The following FANCL variants were observed in gnomAD, a reference collection of about 807,000 sequenced individuals.
FANCL encodes the protein FA complementation group L, also known as E3 ubiquitin-protein ligase FANCL.
FANCL carries 69 observed loss-of-function variants against 59.4 expected under a neutral mutation model. The observed-to-expected ratio is 1.16, with a 90% CI of 0.96 to 1.42. FANCL has a LOEUF of 1.42. Ranked by LOEUF, FANCL falls within the 40% of genes most tolerant of loss-of-function variation. The pLI is 0.00. For missense variants in FANCL, 519 were observed against 447.2 expected, an observed-to-expected ratio of 1.16 and a Z score of -1.45; for synonymous variants, 180 against 147.1, an observed-to-expected ratio of 1.22 and a Z score of -1.62.
chr2:58,166,047 T>C (rs1394299096), intron 7 of FANCL, among the ~76,000 whole-genome samples, 173 bp from the exon 8 acceptor site: 1 of 152,172 alleles, frequency 6.6e-6, no homozygotes, highest in Non-Finnish European at 1.5e-5. Context: ...CCTACAGCGT[T>C]TACAGGATTC....
chr2:58,218,459 C>T (rs570896110), intron 5 of FANCL, among the ~76,000 whole-genome samples: 4 of 151,920 alleles, frequency 2.6e-5, no homozygotes, highest in African/African-American at 9.7e-5. Context: ...AAGGCAGCAT[C>T]ACTATAGATC....
chr2:58,183,913 G>T (rs1480791381), intron 7 of FANCL, among the ~76,000 whole-genome samples: 1 of 151,936 alleles, frequency 6.6e-6, no homozygotes, highest in East Asian at 1.9e-4. Flanking sequence ...CAAGGTATTT[G>T]ATCTTAAGCA....
chr2:58,227,001 T>C (rs1042139000), intron 3 of FANCL, among the ~76,000 whole-genome samples: 1 of 152,202 alleles, frequency 6.6e-6, no homozygotes, highest in Non-Finnish European at 1.5e-5. Flanking sequence ...TTTGCTGAGA[T>C]ATATTAAACT....
intron 5 of FANCL, among the ~76,000 whole-genome samples, chr2:58,219,155 AAAAAAAAAAAAAAAAAATATATATAT>A (rs1317906070): frequency 8.4e-4 from 72 of 85,740 alleles, no homozygotes; most frequent in African/African-American, 4.3e-3. Flanking sequence ...AAAAAAAAAA[AAAAAAAAAAAAAAAAAATATATATAT>A]ATATATATAT....
chr2:58,215,798 C>G (rs931001405), intron 5 of FANCL, among the ~76,000 whole-genome samples: 3 of 151,616 alleles, frequency 2.0e-5, no homozygotes, highest in Non-Finnish European at 4.4e-5. Flanking sequence ...GAAAGGTAGG[C>G]CCAGAACCTG....
chr2:58,210,692 C>T (rs1380264752), intron 5 of FANCL, among the ~76,000 whole-genome samples: 4 of 152,136 alleles, frequency 2.6e-5, no homozygotes, highest in Non-Finnish European at 5.9e-5. Flanking sequence ...TTCCTAGATA[C>T]AACAGGGGTA....
Position 58,210,700 on chromosome 2 carries a change from G to A in FANCL, c.375-6474C>T, listed in dbSNP as rs368369905. ...TAGTTACTTCCTAGATACAACAGGG[G>A]TATAGGCATTCGATAAATACAGCCA... On this transcript the variant is annotated intron_variant, in intron 5 of 13. Coordinates refer to ENST00000233741, the MANE Select transcript of FANCL (RefSeq NM_018062.4). 3.1e-4 allele frequency among the ~76,000 whole-genome samples: 47 copies of A among 152,244 alleles called. No homozygotes were observed. In the South Asian group the frequency reaches 9.1e-3, roughly 30 times the overall value.
Position 58,163,094 on chromosome 2 carries a change from AAT to A in FANCL, c.776-22_776-21del. Reference sequence around the variant, plus strand: ...TTACCACTTCAGATTAAAAAAAAAAAATTTAATAATTGCATGCTCTACTCTTG... The same window carrying A: ...TTACCACTTCAGATTAAAAAAAAAAATTAATAATTGCATGCTCTACTCTTG... On this transcript the variant is annotated intron_variant, in intron 9 of 13. Coordinates refer to ENST00000233741, the MANE Select transcript of FANCL (RefSeq NM_018062.4). The A allele has an allele frequency of 6.3e-7, 1 of 1,597,614 alleles. No individual in the cohort carries two copies.
chr2:58,200,035 T>C (rs1488000164), intron 6 of FANCL, among the ~76,000 whole-genome samples: 1 of 151,518 alleles, frequency 6.6e-6, no homozygotes, highest in South Asian at 2.1e-4. Context: ...TCTGGCTATG[T>C]AGAACTAATT....
At chr2:58,190,331 G>C (rs560113419) in intron 7 of FANCL, among the ~76,000 whole-genome samples, 1 of 151,966 alleles carries the variant, frequency 6.6e-6, no homozygotes, top group Non-Finnish European at 1.5e-5. Flanking sequence ...GTCACCTCAT[G>C]TGTAGCCATC....
intron 7 of FANCL, among the ~76,000 whole-genome samples, chr2:58,192,135 A>G (rs1688984788): frequency 6.6e-6 from 1 of 151,916 alleles, no homozygotes; most frequent in Non-Finnish European, 1.5e-5. Flanking sequence ...TTGATTAAAA[A>G]AACCTGTTCC....
chr2:58,196,718 T>A (rs982185291), intron 7 of FANCL, among the ~76,000 whole-genome samples: 1 of 151,968 alleles, frequency 6.6e-6, no homozygotes, highest in African/African-American at 2.4e-5. Context: ...ATTGCAAACT[T>A]TTCCACAGAT....
At chr2:58,176,480 T>C in intron 7 of FANCL, among the ~76,000 whole-genome samples, 1 of 151,914 alleles carries the variant, frequency 6.6e-6, no homozygotes. Flanking sequence ...ACGCCGCATA[T>C]CTACAACTAC....
intron 7 of FANCL, among the ~76,000 whole-genome samples, chr2:58,168,695 C>G (rs1206908551): frequency 6.6e-6 from 1 of 152,176 alleles, no homozygotes; most frequent in African/African-American, 2.4e-5. Flanking sequence ...CTAAGATCCA[C>G]TGGCTTGAAA....
chr2:58,188,655 G>T (rs1009909935), intron 7 of FANCL, among the ~76,000 whole-genome samples: 3 of 151,640 alleles, frequency 2.0e-5, no homozygotes, highest in African/African-American at 7.3e-5. Context: ...TGCCCAGATG[G>T]TCTCCAACTG....
At chr2:58,164,069 T>C (rs192245237) in intron 8 of FANCL, among the ~76,000 whole-genome samples, 7 of 152,140 alleles carry the variant, frequency 4.6e-5, no homozygotes, top group East Asian at 3.9e-4. Context: ...TTCATTCACA[T>C]TGGCAATTGT....
intron 12 of FANCL, 101 bp from the exon 13 acceptor site, chr2:58,160,280 T>G (rs1296381293): frequency 8.3e-7 from 1 of 1,210,576 alleles, no homozygotes; most frequent in African/African-American, 1.5e-5. Flanking sequence ...ATGTTTTTAT[T>G]CCAGAAGACT....
chr2:58,232,591 C>T (rs1270082717), intron 1 of FANCL, among the ~76,000 whole-genome samples: 2 of 150,930 alleles, frequency 1.3e-5, no homozygotes, highest in African/African-American at 4.9e-5. Context: ...TATTTAGTTA[C>T]ACAATCTATA....
chr2:58,167,519 T>C (rs1315279293), intron 7 of FANCL, among the ~76,000 whole-genome samples: 1 of 152,220 alleles, frequency 6.6e-6, no homozygotes, highest in African/African-American at 2.4e-5. Context: ...TTATAAAATA[T>C]TTTCACAGTG....
Sources: allele counts gnomAD v4.1 joint callset (sites outside exome capture counted in the v4.1 genomes callset), GRCh38; gene constraint gnomAD v4.1.1; transcripts MANE v1.5; gene names NCBI Gene and HGNC (gene_info 2026-07-23, HGNC 2026-07-21).